The following MGAT5 variants were observed in gnomAD, a reference collection of about 807,000 sequenced individuals.
MGAT5 encodes the protein alpha-1,6-mannosylglycoprotein 6-beta-N-acetylglucosaminyltransferase.
MGAT5 carries 30 observed loss-of-function variants against 94.3 expected under a neutral mutation model. That is an observed-to-expected ratio of 0.32 (90% CI 0.24 to 0.43). MGAT5 has a LOEUF of 0.43. Ranked by LOEUF, MGAT5 falls within the 20% of genes least tolerant of loss-of-function variation. The pLI is 1.00. For missense variants in MGAT5, 691 were observed against 905.5 expected (o/e 0.76, Z 3.04); for synonymous variants, 310 against 322.9 (o/e 0.96, Z 0.43).
At chr2:134,182,271 G>A (rs1409451505) in intron 1 of MGAT5, among the ~76,000 whole-genome samples, 2 of 152,326 alleles carry the variant, frequency 1.3e-5, no homozygotes, top group African/African-American at 4.8e-5. Flanking sequence ...CTGACCTGTT[G>A]TCATCTATGA....
chr2:134,217,219 G>A (rs980692762), intron 1 of MGAT5, among the ~76,000 whole-genome samples: 10 of 141,782 alleles, frequency 7.1e-5, no homozygotes, highest in Middle Eastern at 3.6e-3. Context: ...GGATGAGTGG[G>A]GTCTGAGGGA....
rs556751332 is a variant in MGAT5, at chr2:134,357,441, A to C, written c.1247-4834A>C. On this transcript the variant is annotated intron_variant, in intron 9 of 15. Transcript: ENST00000281923. ...TGCAGATCAAAAATTTTGCCTGGCA[A>C]AACAGGAATTTTAGAACCAAGTCAA... Among the ~76,000 whole-genome samples, 80 of 152,356 alleles carry C rather than the reference A, an allele frequency of 5.3e-4. 1 individual carries two copies. Among genetic ancestry groups the C allele is most frequent in the Non-Finnish European group, 8.7e-4 (59 of 68,038 alleles).
At chr2:134,138,636 A>T (rs1395845518) in intron 1 of MGAT5, among the ~76,000 whole-genome samples, 1 of 152,150 alleles carries the variant, frequency 6.6e-6, no homozygotes, top group Non-Finnish European at 1.5e-5. Flanking sequence ...GTGTACTGGG[A>T]ATACTGGGTC....
chr2:134,255,522 C>CAT (rs1169890216), intron 1 of MGAT5, among the ~76,000 whole-genome samples: 1 of 150,536 alleles, frequency 6.6e-6, no homozygotes, highest in African/African-American at 2.4e-5. Context: ...TATATATACA[C>CAT]ACACATATAT....
At chr2:134,217,640 C>T (rs1488233919) in intron 1 of MGAT5, among the ~76,000 whole-genome samples, 1 of 152,172 alleles carries the variant, frequency 6.6e-6, no homozygotes, top group Non-Finnish European at 1.5e-5. Flanking sequence ...AAATAGATGG[C>T]TGTAAATAAG....
chr2:134,221,254 T>A (rs1680753330), intron 1 of MGAT5, among the ~76,000 whole-genome samples: 1 of 152,164 alleles, frequency 6.6e-6, no homozygotes, highest in South Asian at 2.1e-4. Flanking sequence ...ATCAAATACA[T>A]TTAAGGAATG....
upstream of MGAT5, among the ~76,000 whole-genome samples, chr2:134,251,914 C>G (rs1324662647): frequency 6.6e-6 from 1 of 152,174 alleles, no homozygotes; most frequent in Non-Finnish European, 1.5e-5. Context: ...CCTCCCCACC[C>G]CTGGTAACCA....
chr2:134,356,766 A>G (rs1001164242), intron 9 of MGAT5, among the ~76,000 whole-genome samples: 1 of 151,476 alleles, frequency 6.6e-6, no homozygotes, highest in Non-Finnish European at 1.5e-5. Context: ...GAATAGGCAC[A>G]CTCCCCCTCA....
chr2:134,322,407 A>G (rs935474), intron 4 of MGAT5, among the ~76,000 whole-genome samples: 1 of 152,016 alleles, frequency 6.6e-6, no homozygotes, highest in African/African-American at 2.4e-5. Flanking sequence ...ATGGTATACA[A>G]CTTGGTGTTT....
At chr2:134,247,385 A>C (rs887312153) in intron 1 of MGAT5, among the ~76,000 whole-genome samples, 12 of 149,970 alleles carry the variant, frequency 8.0e-5, no homozygotes, top group East Asian at 1.9e-4. Context: ...CAAAAAAAAA[A>C]CGTAAACTAG....
intron 1 of MGAT5, among the ~76,000 whole-genome samples, chr2:134,131,788 TAA>T (rs1686187378): frequency 6.6e-6 from 1 of 152,068 alleles, no homozygotes; most frequent in Non-Finnish European, 1.5e-5. Context: ...AACAGAGTTG[TAA>T]AAAGAGGCTG....
At chr2:134,386,511 C>T (rs191162305) in intron 10 of MGAT5, among the ~76,000 whole-genome samples, 18 of 152,320 alleles carry the variant, frequency 1.2e-4, no homozygotes, top group Admixed American at 7.2e-4. Context: ...ACTCCAGCTG[C>T]TTCTGTCTTT....
At chr2:134,247,269 AAGAT>A (rs1341925013) in intron 1 of MGAT5, among the ~76,000 whole-genome samples, 2 of 151,858 alleles carry the variant, frequency 1.3e-5, no homozygotes, top group African/African-American at 4.8e-5. Flanking sequence ...TTGGAACTTC[AAGAT>A]ATGTGACCAA....
intron 10 of MGAT5, among the ~76,000 whole-genome samples, chr2:134,387,952 T>A (rs1357195483): frequency 6.6e-6 from 1 of 152,192 alleles, no homozygotes; most frequent in East Asian, 1.9e-4. Context: ...CCACATGTAA[T>A]TCTTTGATGA....
intron 2 of MGAT5, among the ~76,000 whole-genome samples, chr2:134,275,578 CTTTTTTTTTTTTTT>C (rs11409592): frequency 5.0e-5 from 4 of 79,594 alleles, no homozygotes; most frequent in East Asian, 8.0e-4. Context: ...GTGCTATTTC[CTTTTTTTTTTTTTT>C]TTTTTTTTTT....
intron 1 of MGAT5, among the ~76,000 whole-genome samples, chr2:134,166,537 C>T (rs1687971997): frequency 6.6e-6 from 1 of 152,198 alleles, no homozygotes; most frequent in Non-Finnish European, 1.5e-5. Flanking sequence ...AAGAACTGAA[C>T]TTCATCTTTC....
intron 1 of MGAT5, among the ~76,000 whole-genome samples, chr2:134,124,176 G>A (rs769289278): frequency 2.0e-5 from 3 of 152,186 alleles, no homozygotes; most frequent in Non-Finnish European, 4.4e-5. Context: ...TTCTCTTACT[G>A]TGTGTTAATA....
intron 1 of MGAT5, among the ~76,000 whole-genome samples, chr2:134,202,935 G>A (rs889234282): frequency 2.6e-5 from 4 of 152,236 alleles, no homozygotes; most frequent in South Asian, 2.1e-4. Flanking sequence ...ATGTAAATGC[G>A]TGGGCCCACC....
chr2:134,240,052 GATGAAAAAA>G (rs1681887462), intron 1 of MGAT5, among the ~76,000 whole-genome samples: 1 of 151,790 alleles, frequency 6.6e-6, no homozygotes, highest in African/African-American at 2.4e-5. Context: ...TTGATATGAA[GATGAAAAAA>G]AAATTTCTTC....
Sources: gnomAD v4.1 joint callset for allele counts (sites outside exome capture counted in the v4.1 genomes callset) on GRCh38, gnomAD v4.1.1 for gene constraint, MANE v1.5 for transcripts, NCBI Gene and HGNC (gene_info 2026-07-23, HGNC 2026-07-21) for gene names.